SLC7A7: variants seen among roughly 807,000 people sequenced by gnomAD.
SLC7A7 encodes the protein Y+L amino acid transporter 1.
Under a neutral mutation model 47.9 loss-of-function variants are expected in SLC7A7, and 39 were observed. That is an observed-to-expected ratio of 0.81 (90% CI 0.63 to 1.06). The LOEUF (loss-of-function observed/expected upper bound fraction) is 1.06. Among genes scored for constraint, SLC7A7 ranks in the 50% least tolerant of loss-of-function variants. The pLI, the probability that SLC7A7 is intolerant of heterozygous loss-of-function variation, is 0.00. For synonymous variants in SLC7A7, 234 were observed against 242.8 expected, an observed-to-expected ratio of 0.96 and a Z score of 0.34; for missense variants, 588 against 632.0, an observed-to-expected ratio of 0.93 and a Z score of 0.75.
At chr14:22,815,685 C>G, upstream of SLC7A7, 1 of 454,042 alleles carries the variant, frequency 2.2e-6, no homozygotes. Flanking sequence ...GAAGAAAGGA[C>G]AGTCAGCTGA....
In SLC7A7 at chr14:22,775,917, A is replaced by G. The variant is rs973577580; in HGVS notation, c.914T>C (p.Phe305Ser). The G allele has an allele frequency of 6.2e-7, 1 of 1,613,686 alleles. No homozygotes were observed. The highest frequency in any genetic ancestry group is 8.5e-7 in the Non-Finnish European group (1 of 1,179,674). ...AVAVTFADQI[F>S]GIFNWIIPLS... The stretch of plus-strand genomic sequence containing the variant: ...TGGAATTATCCAGTTAAATATTCCA[A>G]ATATCTGATCTGCAAAAGTCTAAGG... Residue 305 changes from phenylalanine (F) to serine (S), a missense_variant, in exon 6 of 10, where the codon TTT becomes TCT. Transcript: ENST00000674313.
intron 4 of SLC7A7, among the ~76,000 whole-genome samples, chr14:22,778,384 T>G (rs2038655359): frequency 6.6e-6 from 1 of 152,138 alleles, no homozygotes; most frequent in African/African-American, 2.4e-5. Context: ...CAGTATGAAT[T>G]TAGGAAACAA....
chr14:22,779,801 T>A, intron 3 of SLC7A7, 125 bp downstream of exon 3: 1 of 939,710 alleles, frequency 1.1e-6, no homozygotes, highest in East Asian at 2.6e-5. Context: ...AAAATGAGAA[T>A]AATAATAGTG....
intron 2 of SLC7A7, among the ~76,000 whole-genome samples, chr14:22,807,525 C>T (rs977454490): frequency 1.3e-5 from 2 of 152,118 alleles, no homozygotes; most frequent in Non-Finnish European, 2.9e-5. Context: ...ATGACTGCAC[C>T]ACTGCACTCC....
At position 22,812,894 on chromosome 14, in the gene SLC7A7, A is replaced by G. The variant is rs1171689236; in HGVS notation, c.499+6T>C. 1 of 1,612,054 alleles carries G rather than the reference A, an allele frequency of 6.2e-7. No homozygotes were observed. Among genetic ancestry groups the G allele is most frequent in the South Asian group, 1.1e-5 (1 of 91,018 alleles). ...ACCCACCACCTCCTACCCCAGCCCC[A>G]CTTACAAATGCAGGCAGCAGCCAGC... On this transcript the variant is annotated splice_donor_region_variant and intron_variant, in intron 2 of 9. Transcript: ENST00000674313.
intron 2 of SLC7A7, among the ~76,000 whole-genome samples, chr14:22,802,111 A>G (rs1323598797): frequency 1.3e-5 from 2 of 152,124 alleles, no homozygotes; most frequent in African/African-American, 2.4e-5. Flanking sequence ...AAGACTATTT[A>G]TTGAGGGCCG....
chr14:22,811,844 C>CAAAAA (rs57356836), intron 2 of SLC7A7, among the ~76,000 whole-genome samples: 6 of 125,176 alleles, frequency 4.8e-5, no homozygotes, highest in Admixed American at 8.2e-5. Flanking sequence ...GACTCTATCT[C>CAAAAA]AAAAAAAAAA....
intron 2 of SLC7A7, among the ~76,000 whole-genome samples, chr14:22,782,851 C>A (rs1362854956): frequency 2.0e-5 from 3 of 151,850 alleles, no homozygotes; most frequent in African/African-American, 7.3e-5. Flanking sequence ...CAGCATCGAA[C>A]TCCTGAGCTC....
At chr14:22,785,058 C>A (rs1160932327) in intron 2 of SLC7A7, among the ~76,000 whole-genome samples, 4 of 152,126 alleles carry the variant, frequency 2.6e-5, no homozygotes, top group Non-Finnish European at 5.9e-5. Flanking sequence ...GCGGGCAGAT[C>A]ACTTGAGGCC....
chr14:22,811,320 A>G (rs1045483124), intron 2 of SLC7A7, among the ~76,000 whole-genome samples: 4 of 152,188 alleles, frequency 2.6e-5, no homozygotes, highest in Non-Finnish European at 5.9e-5. Context: ...TGCCCCTCAA[A>G]TTGACAGAAT....
At chr14:22,812,686 T>G (rs918285794) in intron 2 of SLC7A7, among the ~76,000 whole-genome samples, 3 of 150,066 alleles carry the variant, frequency 2.0e-5, no homozygotes, top group African/African-American at 7.4e-5. Flanking sequence ...CTGCTAATAG[T>G]GCTTACTGTG....
At chr14:22,818,836 C>A (rs139379845), upstream of SLC7A7, among the ~76,000 whole-genome samples, 801 of 152,196 alleles carry the variant, frequency 5.3e-3, 4 homozygotes, top group African/African-American at 0.019. Flanking sequence ...TCGTGATCCT[C>A]CCACCTCAGC....
chr14:22,818,616 T>TA (rs1566467679), upstream of SLC7A7, among the ~76,000 whole-genome samples: 2 of 150,952 alleles, frequency 1.3e-5, no homozygotes, highest in Admixed American at 6.6e-5. Context: ...GGGTTTTTTT[T>TA]ACCCGAGATG....
intron 2 of SLC7A7, among the ~76,000 whole-genome samples, chr14:22,783,818 T>G (rs2038764371): frequency 6.6e-6 from 1 of 152,224 alleles, no homozygotes. Context: ...AGCCCTGATC[T>G]GCTCTCTGTA....
intron 3 of SLC7A7, 52 bp from the exon 4 acceptor site, chr14:22,778,989 T>TA: frequency 6.2e-7 from 1 of 1,609,060 alleles, no homozygotes; most frequent in East Asian, 2.2e-5. Flanking sequence ...ATTCTCCCAC[T>TA]TCAAGATGGT....
At chr14:22,802,728 C>T (rs1594973793) in intron 2 of SLC7A7, among the ~76,000 whole-genome samples, 5 of 152,264 alleles carry the variant, frequency 3.3e-5, no homozygotes, top group Admixed American at 3.3e-4. Context: ...TCTCTGCCTC[C>T]AGCCTTGTCC....
chr14:22,817,744 T>C (rs2039426748), upstream of SLC7A7, among the ~76,000 whole-genome samples: 1 of 152,216 alleles, frequency 6.6e-6, no homozygotes, highest in Non-Finnish European at 1.5e-5. Context: ...CCCAAAGTGA[T>C]GGGATTACAG....
At chr14:22,777,498 G>A (rs990673918) in intron 4 of SLC7A7, among the ~76,000 whole-genome samples, 8 of 152,086 alleles carry the variant, frequency 5.3e-5, no homozygotes, top group African/African-American at 1.7e-4. Flanking sequence ...AAAGAAAGAT[G>A]CAAAGAGCTC....
chr14:22,819,200 A>G (rs7150444), upstream of SLC7A7, among the ~76,000 whole-genome samples: 143,594 of 152,108 alleles, frequency 0.94, 67,946 homozygotes, highest in East Asian at 1. Context: ...GGGAACTACT[A>G]TAAGAACACA....
Sources: gnomAD v4.1 joint callset for allele counts (sites outside exome capture counted in the v4.1 genomes callset) on GRCh38, gnomAD v4.1.1 for gene constraint, MANE v1.5 for transcripts, NCBI Gene and HGNC (gene_info 2026-07-23, HGNC 2026-07-21) for gene names.